The following LARS2 variants were observed in gnomAD, a reference collection of about 807,000 sequenced individuals.
LARS2 encodes leucyl-tRNA synthetase 2, mitochondrial.
In LARS2, 81 loss-of-function variants were observed where a neutral mutation model predicts 116.6. That is an observed-to-expected ratio of 0.69 (90% CI 0.58 to 0.84). The LOEUF is 0.84. Ranked by LOEUF, LARS2 falls within the 40% of genes least tolerant of loss-of-function variation. The pLI is 0.00. For missense variants in LARS2, 968 were observed against 1,114.5 expected (o/e 0.87, Z 1.87); for synonymous variants, 396 against 407.2 (o/e 0.97, Z 0.33).
intron 15 of LARS2, among the ~76,000 whole-genome samples, chr3:45,501,282 C>T (rs1205555303): frequency 6.6e-6 from 1 of 150,766 alleles, no homozygotes; most frequent in Admixed American, 6.7e-5. Flanking sequence ...ACGCCCACCA[C>T]CTCGCCCCTA....
Position 45,516,261 on chromosome 3 carries a change from T to A in LARS2, c.2029T>A (p.Leu677Met), listed in dbSNP as rs779019998. The A allele has an allele frequency of 6.2e-7, 1 of 1,613,424 alleles. No individual in the cohort carries two copies. The highest frequency in any genetic ancestry group is 1.7e-5 in the Admixed American group (1 of 59,922). ...LFAAPPEKDI[L>M]WDVKTDALPG... ...TGCTGCCCCTCCTGAGAAGGATATC[T>A]TGTGGGATGTGAAAAGTAAGTCACC... The change falls in exon 17 of 22, where the codon TTG becomes ATG. Residue 677 changes from leucine (L) to methionine (M), a missense_variant. Transcript: ENST00000645846.
At chr3:45,441,065 G>A (rs536530988) in intron 6 of LARS2, among the ~76,000 whole-genome samples, 45 of 127,896 alleles carry the variant, frequency 3.5e-4, no homozygotes, top group South Asian at 2.2e-3. Context: ...TTGCTCTGTC[G>A]CCCAGGCTGG....
chr3:45,541,769 G>T, intron 20 of LARS2, 60 bp from the exon 21 acceptor site: 1 of 1,592,042 alleles, frequency 6.3e-7, no homozygotes, highest in Non-Finnish European at 8.6e-7. Flanking sequence ...CTTTGGTCCT[G>T]CTCTCATAAG....
intron 20 of LARS2, among the ~76,000 whole-genome samples, chr3:45,540,075 T>G (rs1213675706): frequency 3.3e-5 from 5 of 152,080 alleles, no homozygotes; most frequent in Admixed American, 3.3e-4. Context: ...CTGGCCAACA[T>G]GATGAAACCC....
At chr3:45,508,875 C>G (rs1700237576) in intron 15 of LARS2, among the ~76,000 whole-genome samples, 1 of 151,640 alleles carries the variant, frequency 6.6e-6, no homozygotes, top group Non-Finnish European at 1.5e-5. Flanking sequence ...CCTACCTTTC[C>G]TCCCCTCTTT....
chr3:45,459,685 T>C (rs1202439834), intron 8 of LARS2, among the ~76,000 whole-genome samples: 1 of 152,218 alleles, frequency 6.6e-6, no homozygotes, highest in African/African-American at 2.4e-5. Flanking sequence ...CCTTTGAGCT[T>C]ACCAAGTTTC....
chr3:45,403,527 G>A (rs879448514), intron 4 of LARS2, among the ~76,000 whole-genome samples: 28 of 152,254 alleles, frequency 1.8e-4, no homozygotes, highest in African/African-American at 6.3e-4. Context: ...TGTTGGTCAG[G>A]CTGGTCTCGA....
At chr3:45,465,430 A>C (rs543703960) in intron 8 of LARS2, among the ~76,000 whole-genome samples, 53 of 152,152 alleles carry the variant, frequency 3.5e-4, no homozygotes, top group Non-Finnish European at 6.5e-4. Context: ...AGCCCCTCAG[A>C]AGTCCTTCTA....
intron 15 of LARS2, 74 bp downstream of exon 15, chr3:45,500,653 G>C: frequency 5.9e-6 from 7 of 1,177,320 alleles, no homozygotes; most frequent in Non-Finnish European, 8.3e-6. Flanking sequence ...CAGTTCTTCT[G>C]AAGCAAGGTA....
chr3:45,539,599 C>T (rs1021185817), intron 20 of LARS2, among the ~76,000 whole-genome samples: 4 of 152,022 alleles, frequency 2.6e-5, no homozygotes, highest in African/African-American at 9.7e-5. Context: ...CCACTGCACT[C>T]CAGCCTGGAT....
chr3:45,524,645 A>G (rs1203543957), intron 20 of LARS2, among the ~76,000 whole-genome samples: 1 of 152,204 alleles, frequency 6.6e-6, no homozygotes, highest in Non-Finnish European at 1.5e-5. Flanking sequence ...GGATTAGGCC[A>G]AGCATATAGG....
At chr3:45,413,024 C>G (rs1366272242) in intron 4 of LARS2, among the ~76,000 whole-genome samples, 1 of 152,212 alleles carries the variant, frequency 6.6e-6, no homozygotes, top group Non-Finnish European at 1.5e-5. Flanking sequence ...ATTAACTATT[C>G]AGGAAAGAAG....
intron 8 of LARS2, among the ~76,000 whole-genome samples, chr3:45,470,985 C>A (rs1434278477): frequency 7.5e-6 from 1 of 133,410 alleles, no homozygotes; most frequent in Admixed American, 8.5e-5. Context: ...TCCTGTCTGC[C>A]AGATGTAAAG....
At chr3:45,390,002 G>A (rs535586496) in intron 1 of LARS2, among the ~76,000 whole-genome samples, 1 of 152,240 alleles carries the variant, frequency 6.6e-6, no homozygotes, top group East Asian at 1.9e-4. Context: ...ATTAGAACCT[G>A]AGTGGGGTCT....
chr3:45,482,639 G>A (rs1247227866), intron 10 of LARS2, among the ~76,000 whole-genome samples: 1 of 152,112 alleles, frequency 6.6e-6, no homozygotes, highest in African/African-American at 2.4e-5. Flanking sequence ...AGTGATATAT[G>A]TATATTATAT....
intron 8 of LARS2, among the ~76,000 whole-genome samples, chr3:45,466,715 CTT>C (rs1193978410): frequency 6.6e-6 from 1 of 151,958 alleles, no homozygotes; most frequent in Non-Finnish European, 1.5e-5. Flanking sequence ...GTCCTGCCTT[CTT>C]TTTTATTATT....
chr3:45,496,774 G>C (rs1243339552), intron 14 of LARS2, among the ~76,000 whole-genome samples: 1 of 152,208 alleles, frequency 6.6e-6, no homozygotes, highest in South Asian at 2.1e-4. Context: ...CACCAGAGTG[G>C]GTCCACAGAT....
chr3:45,472,934 C>T (rs1390851955), intron 8 of LARS2, among the ~76,000 whole-genome samples: 1 of 152,210 alleles, frequency 6.6e-6, no homozygotes, highest in Non-Finnish European at 1.5e-5. Context: ...GTTATTACTT[C>T]CCTTCCCAGA....
At position 45,485,796 on chromosome 3, in the gene LARS2, G is replaced by A. The variant is rs1699798496; in HGVS notation, c.1123G>A (p.Gly375Arg). The change falls in exon 11 of 22, where the codon GGA (glycine) becomes AGA (arginine). Residue 375 changes from glycine (G) to arginine (R), a missense_variant and splice_region_variant. Gly to Arg is a moderately radical substitution (Grantham distance 125). Transcript: ENST00000645846. ...DLEGSLDSKI[G>R]IPSTSSEDTI... ...GGAAGGCTCTCTGGATTCAAAAATA[G>A]GTAAGCAGCTATTAAAATGTAACCA... The A allele has an allele frequency of 6.3e-7, 1 of 1,580,410 alleles. No individual in the cohort carries two copies. Among genetic ancestry groups the A allele is most frequent in the East Asian group, 2.2e-5 (1 of 44,454 alleles).
Sources: allele counts gnomAD v4.1 joint callset (sites outside exome capture counted in the v4.1 genomes callset), GRCh38; gene constraint gnomAD v4.1.1; transcripts MANE v1.5; gene names NCBI Gene and HGNC (gene_info 2026-07-23, HGNC 2026-07-21).